Variants in RBM23 observed in about 807,000 individuals in gnomAD.
The protein encoded by RBM23 is probable RNA-binding protein 23.
A neutral mutation model predicts 56.2 loss-of-function variants in RBM23; 53 were observed. The observed-to-expected ratio is 0.94, with a 90% CI of 0.76 to 1.19. The LOEUF (loss-of-function observed/expected upper bound fraction) is 1.19. Ranked by LOEUF, RBM23 falls within the 50% of genes most tolerant of loss-of-function variation. The pLI, the probability that RBM23 is intolerant of heterozygous loss-of-function variation, is 0.00. For synonymous variants in RBM23, 197 were observed against 198.5 expected, an observed-to-expected ratio of 0.99 and a Z score of 0.06; for missense variants, 642 against 590.3, an observed-to-expected ratio of 1.09 and a Z score of -0.91.
intron 4 of RBM23, 60 bp from the exon 5 acceptor site, chr14:22,906,428 A>G (rs1566557111): frequency 1.9e-6 from 3 of 1,579,714 alleles, no homozygotes; most frequent in Non-Finnish European, 2.6e-6. Context: ...AACCAAGTGC[A>G]TATACAACAG....
At chr14:22,905,510 G>A in intron 6 of RBM23, 57 bp from the exon 7 acceptor site, 1 of 1,600,280 alleles carries the variant, frequency 6.2e-7, no homozygotes, top group Non-Finnish European at 8.6e-7. Context: ...TTGTTCTCCA[G>A]CTAACCCTCA....
chr14:22,900,793 A>G lies in RBM23; in HGVS notation c.*937T>C, dbSNP rs976653578. The stretch of plus-strand genomic sequence containing the variant: ...TTGTACAAAGTTTTTATGTATATAT[A>G]TATGTATATATATTTATGTACACAG... On this transcript the variant is annotated 3_prime_UTR_variant, in exon 14 of 14. Coordinates refer to ENST00000359890, the MANE Select transcript of RBM23 (RefSeq NM_001077351.2). 2.6e-5 allele frequency: 4 copies of G among 151,620 alleles called. No homozygotes were observed. Among genetic ancestry groups the G allele is most frequent in the African/African-American group, 4.9e-5 (2 of 41,144 alleles). The allele number at this position is 151,620 out of a possible 1,614,324, so 9.4% of individuals were successfully genotyped here. A position where few individuals can be genotyped will look rare whatever the true frequency, so the allele number is the denominator to read the frequency against.
rs987703324 is a variant in RBM23, at chr14:22,899,269, C to T, written c.*2461G>A. 1.3e-5 allele frequency: 2 copies of T among 152,194 alleles called. No individual in the cohort carries two copies. Among genetic ancestry groups the T allele is most frequent in the Non-Finnish European group, 2.9e-5 (2 of 68,058 alleles). 9.4% of individuals were successfully genotyped at this position (152,194 alleles called of 1,614,324 possible). A position where few individuals can be genotyped will look rare whatever the true frequency, so the allele number is the denominator to read the frequency against. On this transcript the variant is annotated 3_prime_UTR_variant, in exon 14 of 14. Transcript: ENST00000359890. ...TTATAAAGCAAGTTTGGCCCATGGTCCCTTTGTCTCATGTACTCATTTCTA... is the reference window on the plus strand; with the variant it reads ...TTATAAAGCAAGTTTGGCCCATGGTTCCTTTGTCTCATGTACTCATTTCTA...
intron 1 of RBM23, among the ~76,000 whole-genome samples, chr14:22,916,152 G>A (rs1249213023): frequency 6.6e-6 from 1 of 152,164 alleles, no homozygotes; most frequent in Non-Finnish European, 1.5e-5. Flanking sequence ...GGAAGTTGAG[G>A]CTGCAGTGAA....
chr14:22,908,231 G>A, intron 4 of RBM23, 102 bp downstream of exon 4: 1 of 1,295,800 alleles, frequency 7.7e-7, no homozygotes, highest in Non-Finnish European at 1.1e-6. Flanking sequence ...ATGTTGCCCA[G>A]GCTGGTTTTG....
chr14:22,904,155 G>A lies in RBM23; in HGVS notation c.930+106C>T, dbSNP rs780480182. 1.5e-5 allele frequency: 24 copies of A among 1,591,980 alleles called. No homozygotes were observed. The African/African-American group carries it at 3.1e-4, about 21-fold the overall frequency. On this transcript the variant is annotated intron_variant, in intron 10 of 13. Transcript: ENST00000359890. ...CAAGCTTCAGGCACCAGGGTTTATG[G>A]GTCATTTAGACAGTTCCTAAAGGAG... is the stretch of plus-strand genomic sequence containing the variant.
intron 10 of RBM23, chr14:22,903,490 C>T: frequency 3.0e-6 from 3 of 985,744 alleles, no homozygotes; most frequent in Non-Finnish European, 3.6e-6. Context: ...TAGGGCCTGG[C>T]ATGTGGTACT....
chr14:22,902,081 G>A lies in RBM23; in HGVS notation c.1145C>T (p.Pro382Leu), dbSNP rs777570220. The A allele has an allele frequency of 8.1e-6, 13 of 1,609,764 alleles. No homozygotes were observed. In the South Asian group the frequency reaches 1.3e-4, roughly 16 times the overall value. Residue 382 changes from proline (P) to leucine (L), a missense_variant, in exon 12 of 14, where the codon CCA becomes CTA. Physicochemically the swap from Pro to Leu is moderately conservative, Grantham distance 98. Coordinates refer to ENST00000359890, the MANE Select transcript of RBM23 (RefSeq NM_001077351.2). Reference sequence around the variant, plus strand: ...GGCAGCAGCAGCAGCAGCAGTGCTTGGCAGTTGGATTCCAGCGCCTAAAAG... The same window carrying A: ...GGCAGCAGCAGCAGCAGCAGTGCTTAGCAGTTGGATTCCAGCGCCTAAAAG... ...KLAEGAGIQL[P>L]STAAAAAAAA...
In RBM23 at chr14:22,901,984, C is replaced by T. The variant is rs1158726713; in HGVS notation, c.1242G>A (p.Leu414=). The change falls in exon 12 of 14, where the codon CTG becomes CTA. Residue 414 remains leucine (L), a synonymous_variant. Coordinates refer to ENST00000359890, the MANE Select transcript of RBM23 (RefSeq NM_001077351.2). The part of the protein sequence containing the change: ...VPLGALNPAA[L]TALSPALNLA... ...CTTTCCCATGTCCAAGACTACCAGT[C>T]AGAGCTGCTGGATTCAGGGCCCCCA... 6.2e-7 allele frequency: 1 copy of T among 1,611,472 alleles called. No homozygotes were observed. Among genetic ancestry groups the T allele is most frequent in the Non-Finnish European group, 8.5e-7 (1 of 1,178,220 alleles).
At chr14:22,911,495 C>T (rs2042514615) in intron 1 of RBM23, 92 bp from the exon 2 acceptor site, 3 of 1,017,102 alleles carry the variant, frequency 2.9e-6, no homozygotes, top group African/African-American at 1.6e-5. Flanking sequence ...AAGAAAGAGA[C>T]TTCAGGATAT....
chr14:22,905,371 G>T lies in RBM23; in HGVS notation c.538C>A (p.Arg180=). The change falls in exon 7 of 14, where the codon CGA becomes AGA. Residue 180 remains arginine (R), a synonymous_variant. Transcript: ENST00000359890. ...CMQLAARIRP[R]DLEDFFSAVG... ...GCAGAGAAAAAGTCCTCCAGATCTCGAGGCCGAATTCGGGCAGCTAACTGC... is the reference window on the plus strand; with the variant it reads ...GCAGAGAAAAAGTCCTCCAGATCTCTAGGCCGAATTCGGGCAGCTAACTGC... 6.2e-7 allele frequency: 1 copy of T among 1,614,104 alleles called. No homozygotes were observed. The highest frequency in any genetic ancestry group is 8.5e-7 in the Non-Finnish European group (1 of 1,180,034).
chr14:22,902,943 TTTTTTA>T (rs1430158110), intron 10 of RBM23: 2 of 673,254 alleles, frequency 3.0e-6, no homozygotes, highest in East Asian at 1.4e-4. Flanking sequence ...CCCAGCTAGT[TTTTTTA>T]TTTTTATTTT....
intron 10 of RBM23, chr14:22,903,136 A>C: frequency 1.0e-6 from 1 of 985,384 alleles, no homozygotes; most frequent in Non-Finnish European, 1.2e-6. Flanking sequence ...CTTAAGAGGG[A>C]ACACACCCTA....
chr14:22,908,528 G>T, intron 3 of RBM23, 148 bp from the exon 4 acceptor site: 1 of 772,176 alleles, frequency 1.3e-6, no homozygotes, highest in Non-Finnish European at 2.0e-6. Context: ...GAGTAGCTGG[G>T]ATTACAGGCA....
At chr14:22,917,073 G>C (rs1203775961) in intron 1 of RBM23, 1 of 151,906 alleles carries the variant, frequency 6.6e-6, no homozygotes, top group Non-Finnish European at 1.5e-5. Context: ...TCTCCACATT[G>C]GTCAGGCTGG....
chr14:22,915,975 T>G (rs1594437232), intron 1 of RBM23, among the ~76,000 whole-genome samples: 1 of 152,158 alleles, frequency 6.6e-6, no homozygotes, highest in Non-Finnish European at 1.5e-5. Flanking sequence ...TCTCAGCACT[T>G]TGGGAAGCTA....
In RBM23 at chr14:22,901,481, C is replaced by G. The variant is rs891746138; in HGVS notation, c.*249G>C. ...CTCAGAGACGATACACATGGAGAAA[C>G]AGGTATTCAATGCAGGTGTGGATTC... On this transcript the variant is annotated 3_prime_UTR_variant, in exon 14 of 14. Transcript: ENST00000359890. The G allele has an allele frequency of 3.4e-6, 2 of 594,774 alleles. No individual in the cohort carries two copies. Among genetic ancestry groups the G allele is most frequent in the East Asian group, 2.8e-5 (1 of 35,844 alleles). 36.8% of individuals were successfully genotyped at this position (594,774 alleles called of 1,614,324 possible).
chr14:22,911,009 C>A (rs577911781), intron 2 of RBM23, among the ~76,000 whole-genome samples: 6 of 150,910 alleles, frequency 4.0e-5, no homozygotes, highest in African/African-American at 9.7e-5. Flanking sequence ...GACTCTGTCT[C>A]AAAAGAAAAA....
intron 4 of RBM23, among the ~76,000 whole-genome samples, chr14:22,907,286 G>A (rs1010681454): frequency 6.6e-6 from 1 of 152,014 alleles, no homozygotes; most frequent in African/African-American, 2.4e-5. Context: ...AGGTTGCGGT[G>A]AGCCAAGATC....
Sources: allele counts gnomAD v4.1 joint callset (sites outside exome capture counted in the v4.1 genomes callset), GRCh38; gene constraint gnomAD v4.1.1; transcripts MANE v1.5; gene names NCBI Gene and HGNC (gene_info 2026-07-23, HGNC 2026-07-21).